BCKDHB: variants seen among roughly 807,000 people sequenced by gnomAD.
BCKDHB encodes the protein 2-oxoisovalerate dehydrogenase subunit beta, mitochondrial.
In BCKDHB, 41 loss-of-function variants were observed where a neutral mutation model predicts 48.5. The ratio of observed to expected loss-of-function variants is 0.85; its 90% CI spans 0.66 to 1.10. The LOEUF (loss-of-function observed/expected upper bound fraction) is 1.10, where lower values mean the gene tolerates loss of function less well. BCKDHB is among the 50% of genes least tolerant of loss of function. The pLI, the probability that BCKDHB is intolerant of heterozygous loss-of-function variation, is 0.00. For synonymous variants in BCKDHB, 201 were observed against 174.8 expected (o/e 1.15, Z -1.18); for missense variants, 496 against 494.2 (o/e 1.00, Z -0.03).
intron 4 of BCKDHB, 130 bp from the exon 5 acceptor site, chr6:80,168,745 A>T: frequency 1.0e-6 from 1 of 999,318 alleles, no homozygotes; most frequent in Non-Finnish European, 1.5e-6. Context: ...GGAGGGAGGC[A>T]GGGAGGGAGG....
chr6:80,120,910 T>C (rs574658139), intron 1 of BCKDHB, among the ~76,000 whole-genome samples: 7 of 152,334 alleles, frequency 4.6e-5, no homozygotes, highest in Non-Finnish European at 8.8e-5. Flanking sequence ...CCATTGCTTT[T>C]GATGTTTTAG....
At chr6:80,281,020 G>T (rs1284282620) in intron 9 of BCKDHB, among the ~76,000 whole-genome samples, 1 of 117,270 alleles carries the variant, frequency 8.5e-6, no homozygotes, top group African/African-American at 3.3e-5. Flanking sequence ...TGAAGAACAG[G>T]TGTATGCGTG....
the BCKDHB span, among the ~76,000 whole-genome samples, chr6:80,388,054 C>G: frequency 1.3e-5 from 2 of 152,290 alleles, no homozygotes; most frequent in Non-Finnish European, 2.9e-5. Flanking sequence ...CATTAGGCCC[C>G]TCTTACAACC....
intron 6 of BCKDHB, 135 bp from the exon 7 acceptor site, chr6:80,200,799 G>C: frequency 2.8e-6 from 2 of 704,356 alleles, no homozygotes; most frequent in Non-Finnish European, 4.8e-6. Context: ...TGCTATTTCT[G>C]TTTTAAGTAA....
At chr6:80,448,308 G>A in the BCKDHB span, among the ~76,000 whole-genome samples, 1 of 152,164 alleles carries the variant, frequency 6.6e-6, no homozygotes, top group Non-Finnish European at 1.5e-5. Context: ...CCAGAGATAG[G>A]TTTTAGGATT....
chr6:80,318,539 G>C (rs2128000381), intron 9 of BCKDHB, among the ~76,000 whole-genome samples: 1 of 152,076 alleles, frequency 6.6e-6, no homozygotes, highest in East Asian at 1.9e-4. Context: ...ATAAAAATTA[G>C]CCGGGCATGG....
At chr6:80,428,685 T>A in the BCKDHB span, among the ~76,000 whole-genome samples, 1 of 152,372 alleles carries the variant, frequency 6.6e-6, no homozygotes, top group South Asian at 2.1e-4. Context: ...GAAGTGTCTA[T>A]TCATATCTTC....
chr6:80,315,774 G>T (rs893289304), intron 9 of BCKDHB, among the ~76,000 whole-genome samples: 3 of 152,048 alleles, frequency 2.0e-5, no homozygotes, highest in East Asian at 3.9e-4. Flanking sequence ...ATGAGCCACC[G>T]CAACTGGCCT....
chr6:80,172,241 T>G (rs1338674700), intron 6 of BCKDHB, among the ~76,000 whole-genome samples: 5 of 152,110 alleles, frequency 3.3e-5, no homozygotes, highest in Non-Finnish European at 7.4e-5. Context: ...TATGAATATC[T>G]GTTGTTCATT....
chr6:80,358,030 A>G, the BCKDHB span, among the ~76,000 whole-genome samples: 1 of 152,246 alleles, frequency 6.6e-6, no homozygotes, highest in Admixed American at 6.5e-5. Context: ...GGCTGAGTGT[A>G]GAATTTTAGA....
intron 9 of BCKDHB, among the ~76,000 whole-genome samples, chr6:80,334,049 T>G (rs1562236343): frequency 6.6e-6 from 1 of 152,146 alleles, no homozygotes; most frequent in South Asian, 2.1e-4. Context: ...CATGTGTATT[T>G]TTCCCCTAAT....
At chr6:80,341,538 G>T (rs894959585) in intron 9 of BCKDHB, among the ~76,000 whole-genome samples, 1 of 152,138 alleles carries the variant, frequency 6.6e-6, no homozygotes, top group Non-Finnish European at 1.5e-5. Flanking sequence ...AAAGAGTGAT[G>T]CTTGCATTCT....
At chr6:80,171,959 A>AT (rs1284747146) in intron 6 of BCKDHB, among the ~76,000 whole-genome samples, 2 of 151,978 alleles carry the variant, frequency 1.3e-5, no homozygotes, top group East Asian at 1.9e-4. Flanking sequence ...ATAGCAAATG[A>AT]TTTTTTTCTG....
chr6:80,434,566 T>G, the BCKDHB span, among the ~76,000 whole-genome samples: 2 of 152,140 alleles, frequency 1.3e-5, 1 homozygote, highest in South Asian at 4.1e-4. Flanking sequence ...AAATACTGTT[T>G]TTTATTTCAT....
At position 80,167,766 on chromosome 6, in the gene BCKDHB, T is replaced by C. The variant is rs2127773487; in HGVS notation, c.432T>C (p.Ile144=). ...IGIAVTGATA[I]AEIQFADYIF... ...TTGCGGTCACTGGAGCTACTGCCAT[T>C]GCGGAAATTCAGTTTGCAGATTATA... The change falls in exon 4 of 10, where the codon ATT becomes ATC. Residue 144 remains isoleucine, a synonymous_variant. Coordinates refer to ENST00000320393, the MANE Select transcript of BCKDHB (RefSeq NM_183050.4). 6.2e-7 allele frequency: 1 copy of C among 1,614,002 alleles called. No homozygotes were observed. Among genetic ancestry groups the C allele is most frequent in the Non-Finnish European group, 8.5e-7 (1 of 1,179,886 alleles).
At chr6:80,284,247 G>A (rs1766517890) in intron 9 of BCKDHB, among the ~76,000 whole-genome samples, 1 of 152,104 alleles carries the variant, frequency 6.6e-6, no homozygotes, top group Admixed American at 6.5e-5. Context: ...CACTACTGCT[G>A]ATGCATTTTC....
intron 9 of BCKDHB, among the ~76,000 whole-genome samples, chr6:80,340,894 C>T (rs1254919838): frequency 6.6e-6 from 1 of 152,164 alleles, no homozygotes; most frequent in Non-Finnish European, 1.5e-5. Flanking sequence ...TGCAGAGAAA[C>T]ATACTCACAC....
At chr6:80,412,119 C>T in the BCKDHB span, among the ~76,000 whole-genome samples, 1 of 150,084 alleles carries the variant, frequency 6.7e-6, no homozygotes, top group African/African-American at 2.5e-5. Flanking sequence ...ATGTCCACCA[C>T]ATTTTATACT....
In BCKDHB at chr6:80,257,416, T is replaced by C. The variant is rs1382327098; in HGVS notation, c.952-15719T>C. Among the ~76,000 whole-genome samples, 5 of 119,450 alleles carry C rather than the reference T, an allele frequency of 4.2e-5. No individual in the cohort carries two copies. In the Admixed American group the frequency reaches 5.2e-4, roughly 12 times the overall value. The allele number at this position is 119,450 out of a possible 152,430, so 78.4% of individuals were successfully genotyped here. On this transcript the variant is annotated intron_variant, in intron 8 of 9. Coordinates refer to ENST00000320393, the MANE Select transcript of BCKDHB (RefSeq NM_183050.4). ...TTTAATTAAAGATATATAATTCATA[T>C]ATATTCCTTAAAGATACATATATAT...
Sources: allele counts gnomAD v4.1 joint callset (sites outside exome capture counted in the v4.1 genomes callset), GRCh38; gene constraint gnomAD v4.1.1; transcripts MANE v1.5; gene names NCBI Gene and HGNC (gene_info 2026-07-23, HGNC 2026-07-21).